Variants in SDAD1 observed in about 807,000 individuals in gnomAD.
SDAD1 encodes protein SDA1 homolog.
In SDAD1, 79 loss-of-function variants were observed where a neutral mutation model predicts 100.3. The ratio of observed to expected loss-of-function variants is 0.79; its 90% confidence interval spans 0.66 to 0.95. The LOEUF (loss-of-function observed/expected upper bound fraction) is 0.95. Among genes scored for constraint, SDAD1 ranks in the 40% least tolerant of loss-of-function variants. SDAD1 has a pLI of 0.00. For missense variants in SDAD1, 790 were observed against 810.9 expected, an observed-to-expected ratio of 0.97 and a Z score of 0.31; for synonymous variants, 267 against 271.4, an observed-to-expected ratio of 0.98 and a Z score of 0.16.
chr4:75,969,692 C>T (rs1729755259), intron 10 of SDAD1, among the ~76,000 whole-genome samples: 1 of 152,148 alleles, frequency 6.6e-6, no homozygotes, highest in Non-Finnish European at 1.5e-5. Context: ...ACCGGGGAGG[C>T]TCATTGGAAA....
intron 3 of SDAD1, chr4:75,980,660 C>T (rs1381671704): frequency 6.6e-6 from 1 of 152,344 alleles, no homozygotes; most frequent in Non-Finnish European, 1.5e-5. Flanking sequence ...AGTCCCAACA[C>T]AGGAAAACAC....
rs1728565249 is a variant in SDAD1 at position 75,950,382 on chromosome 4, T to C, written c.*368A>G. 1 of 182,152 alleles carries C rather than the reference T, an allele frequency of 5.5e-6. No homozygotes were observed. 11.3% of individuals were successfully genotyped at this position (182,152 alleles called of 1,614,324 possible). A position where few individuals can be genotyped will look rare whatever the true frequency, so the allele number is the denominator to read the frequency against. ...GGAGTTAACCTCTACTACAGAACTA[T>C]TTACACTGCACTGTAAATACACATA... is the stretch of plus-strand genomic sequence containing the variant. On this transcript the variant is annotated 3_prime_UTR_variant, in exon 22 of 22. Coordinates refer to ENST00000356260, the MANE Select transcript of SDAD1 (RefSeq NM_018115.4).
rs372493192 is a variant in SDAD1, at chr4:75,970,362, T to C, written c.830A>G (p.Lys277Arg). Residue 277 changes from lysine (K) to arginine (R), a missense_variant, in exon 10 of 22, where the codon AAA (lysine) becomes AGA (arginine). By Grantham distance (26) the Lys-to-Arg change is conservative (BLOSUM62 2). Transcript: ENST00000356260. ...MKVLKKQKKKKKPEVFNFSAI... is the reference protein window; with the variant it reads ...MKVLKKQKKKRKPEVFNFSAI... Reference sequence around the variant, plus strand: ...TGAAAAGTTAAACACCTCTGGTTTTTTCTTCTTTTTTTGTTTCTGAAAGGG... The same window carrying C: ...TGAAAAGTTAAACACCTCTGGTTTTCTCTTCTTTTTTTGTTTCTGAAAGGG... 5.6e-6 allele frequency: 9 copies of C among 1,613,548 alleles called. No homozygotes were observed. The highest frequency in any genetic ancestry group is 4.5e-5 in the East Asian group (2 of 44,880).
chr4:75,985,617 T>C (rs1730845224), intron 1 of SDAD1, among the ~76,000 whole-genome samples: 2 of 152,168 alleles, frequency 1.3e-5, no homozygotes, highest in Non-Finnish European at 2.9e-5. Context: ...CCTGTTATAA[T>C]ACTTGGTGAT....
chr4:75,969,447 G>A, intron 10 of SDAD1, 48 bp from the exon 11 acceptor site: 1 of 1,285,498 alleles, frequency 7.8e-7, no homozygotes, highest in Non-Finnish European at 1.1e-6. Flanking sequence ...TATGGTCTAT[G>A]TGACATTTAT....
chr4:75,967,682 A>G (rs1488613025), intron 11 of SDAD1, among the ~76,000 whole-genome samples: 2 of 152,238 alleles, frequency 1.3e-5, no homozygotes, highest in East Asian at 3.8e-4. Flanking sequence ...GATTATAGGA[A>G]GGAACAGCAT....
intron 1 of SDAD1, among the ~76,000 whole-genome samples, chr4:75,989,627 TCAG>T (rs1362909683): frequency 6.6e-6 from 1 of 152,228 alleles, no homozygotes; most frequent in African/African-American, 2.4e-5. Context: ...TTAACAACAG[TCAG>T]CAGCAGGAGT....
At chr4:75,987,938 C>T (rs987551114) in intron 1 of SDAD1, among the ~76,000 whole-genome samples, 1 of 152,178 alleles carries the variant, frequency 6.6e-6, no homozygotes, top group African/African-American at 2.4e-5. Flanking sequence ...TGGTTTTCCT[C>T]GAAACTTCAC....
intron 3 of SDAD1, among the ~76,000 whole-genome samples, chr4:75,978,985 A>AAAAAAAAAAAG (rs1730328258): frequency 1.1e-5 from 1 of 92,808 alleles, no homozygotes; most frequent in Non-Finnish European, 1.9e-5. Context: ...TGTCTCAGAA[A>AAAAAAAAAAAG]AAAAAAAAAA....
intron 1 of SDAD1, among the ~76,000 whole-genome samples, chr4:75,985,768 T>C (rs1232628288): frequency 6.6e-6 from 1 of 152,172 alleles, no homozygotes; most frequent in East Asian, 1.9e-4. Flanking sequence ...CCAATAACTA[T>C]ATTACAACTC....
intron 3 of SDAD1, 60 bp from the exon 4 acceptor site, chr4:75,977,816 C>G (rs1292513282): frequency 3.1e-6 from 3 of 981,586 alleles, no homozygotes; most frequent in East Asian, 2.4e-5. Context: ...TGAGAAAATA[C>G]AGCGTATATG....
At chr4:75,972,149 G>A (rs764646010) in intron 8 of SDAD1, among the ~76,000 whole-genome samples, 50 of 151,950 alleles carry the variant, frequency 3.3e-4, no homozygotes, top group Non-Finnish European at 6.2e-4. Flanking sequence ...TGTTGGACAG[G>A]ATGGTTTTGA....
At chr4:75,973,439 AAAG>A (rs1376976734) in intron 7 of SDAD1, 48 bp from the exon 8 acceptor site, 1 of 1,363,360 alleles carries the variant, frequency 7.3e-7, no homozygotes, top group South Asian at 1.2e-5. Context: ...AGCTTAAAAT[AAAG>A]AATAAATCCT....
In SDAD1 at chr4:75,957,327, T is replaced by C. The variant is rs753490055; in HGVS notation, c.1852A>G (p.Met618Val). Reference sequence around the variant, plus strand: ...CTAGGAATGATATGCTCACTCACCATTGCAGTTGCTAGTCTTGTCTCTTTG... The same window carrying C: ...CTAGGAATGATATGCTCACTCACCACTGCAGTTGCTAGTCTTGTCTCTTTG... The part of the protein sequence containing the change: ...SDKETRLATA[M>V]AGKTDRKEFV... Residue 618 changes from methionine (M) to valine (V), a missense_variant and splice_region_variant, in exon 20 of 22, where the codon ATG becomes GTG. Physicochemically the swap from Met to Val is conservative, Grantham distance 21. Coordinates refer to ENST00000356260, the MANE Select transcript of SDAD1 (RefSeq NM_018115.4). The C allele has an allele frequency of 5.6e-6, 9 of 1,613,184 alleles. No individual in the cohort carries two copies. The highest frequency in any genetic ancestry group is 6.8e-6 in the Non-Finnish European group (8 of 1,179,354).
In SDAD1 at chr4:75,982,707, A is replaced by G. The variant is rs181085954; in HGVS notation, c.91-670T>C. 4.3e-3 allele frequency among the ~76,000 whole-genome samples: 660 copies of G among 152,248 alleles called. 5 individuals are homozygous for G. Among genetic ancestry groups the G allele is most frequent in the African/African-American group, 0.014 (596 of 41,546 alleles). The stretch of plus-strand genomic sequence containing the variant: ...CATATCCATGTATGCAGAGCACTCA[A>G]ATCAGCAGAAAAATAACAGGGCAGA... On this transcript the variant is annotated intron_variant, in intron 1 of 21. Coordinates refer to ENST00000356260, the MANE Select transcript of SDAD1 (RefSeq NM_018115.4).
intron 3 of SDAD1, among the ~76,000 whole-genome samples, chr4:75,978,155 A>G (rs765821851): frequency 6.6e-6 from 1 of 151,858 alleles, no homozygotes; most frequent in Non-Finnish European, 1.5e-5. Context: ...ATGAGAGTTT[A>G]TGACCTTACG....
At chr4:75,970,709 C>T (rs1729820914) in intron 9 of SDAD1, among the ~76,000 whole-genome samples, 1 of 152,144 alleles carries the variant, frequency 6.6e-6, no homozygotes, top group Non-Finnish European at 1.5e-5. Flanking sequence ...GAGGGAGGGA[C>T]CTCGTGGGAA....
At chr4:75,956,272 C>T in intron 20 of SDAD1, 136 bp from the exon 21 acceptor site, 4 of 862,460 alleles carry the variant, frequency 4.6e-6, no homozygotes, top group Admixed American at 3.0e-5. Context: ...ACAGTCTTTG[C>T]TCCTTGGGAC....
At chr4:75,989,786 G>C (rs1028634367) in intron 1 of SDAD1, among the ~76,000 whole-genome samples, 14 of 152,106 alleles carry the variant, frequency 9.2e-5, no homozygotes, top group African/African-American at 3.4e-4. Context: ...TTGATCCTTG[G>C]AGAGGCTTTC....
Sources: gnomAD v4.1 joint callset for allele counts (sites outside exome capture counted in the v4.1 genomes callset) on GRCh38, gnomAD v4.1.1 for gene constraint, MANE v1.5 for transcripts, NCBI Gene and HGNC (gene_info 2026-07-23, HGNC 2026-07-21) for gene names.